Variants in TCIRG1 observed in about 807,000 individuals in gnomAD.
TCIRG1 encodes the protein T cell immune regulator 1, ATPase H+ transporting V0 subunit a3, also known as V-type proton ATPase 116 kDa subunit a 3.
TCIRG1 carries 86 observed loss-of-function variants against 95.5 expected under a neutral mutation model. The observed-to-expected ratio is 0.90, with a 90% CI of 0.76 to 1.08. TCIRG1 has a LOEUF of 1.08. TCIRG1 is among the 50% of genes least tolerant of loss of function. The pLI, the probability that TCIRG1 is intolerant of heterozygous loss-of-function variation, is 0.00. For synonymous variants in TCIRG1, 499 were observed against 501.3 expected (o/e 1.00, Z 0.06); for missense variants, 1,069 against 1,140.2 (o/e 0.94, Z 0.90).
At chr11:68,048,802 G>A in intron 13 of TCIRG1, 77 bp from the exon 14 acceptor site, 1 of 1,069,220 alleles carries the variant, frequency 9.4e-7, no homozygotes, top group Non-Finnish European at 1.4e-6. Flanking sequence ...TGGTGAGAGA[G>A]TGACTCGGGC....
rs137853149 is a variant in TCIRG1, at chr11:68,047,733, C to T, written c.1392C>T (p.Cys464=). ...SIYTGFIYNE[C]FSRATSIFPS... is the part of the protein sequence containing the mutation. ...ACACCGGCTTCATCTACAACGAGTG[C>T]TTCAGTCGCGCCACCAGCATCTTCC... The change falls in exon 12 of 20, where the codon TGC becomes TGT. Residue 464 remains cysteine, a synonymous_variant. Coordinates refer to ENST00000265686, the MANE Select transcript of TCIRG1 (RefSeq NM_006019.4). The T allele has an allele frequency of 1.9e-6, 3 of 1,613,334 alleles. No homozygotes were observed. Among genetic ancestry groups the T allele is most frequent in the East Asian group, 2.2e-5 (1 of 44,868 alleles).
chr11:68,039,967 GAC>G (rs1855081176), intron 1 of TCIRG1: 1 of 152,342 alleles, frequency 6.6e-6, no homozygotes, highest in Non-Finnish European at 1.5e-5. Flanking sequence ...AGCCAGGTCA[GAC>G]ACAACCCTCC....
Position 68,042,818 on chromosome 11 carries a change from G to A in TCIRG1, c.372G>A (p.Gln124=). The A allele has an allele frequency of 1.9e-6, 3 of 1,548,674 alleles. No homozygotes were observed. The highest frequency in any genetic ancestry group is 2.6e-6 in the Non-Finnish European group (3 of 1,146,252). Residue 124 remains glutamine (Q), a synonymous_variant, in exon 4 of 20, where the codon CAG becomes CAA. Transcript: ENST00000265686. The part of the protein sequence containing the change: ...NQQALRAQLH[Q]LQLHAAVLRQ... ...AGGCCCTGCGGGCCCAGCTGCACCA[G>A]CTGCAGCTCCACGCCGCCGTGCTAC...
chr11:68,043,638 G>A lies in TCIRG1; in HGVS notation c.698G>A (p.Arg233His), dbSNP rs769348368. The change falls in exon 7 of 20, where the codon CGC becomes CAC. Residue 233 changes from arginine to histidine, a missense_variant. Physicochemically the swap from Arg to His is conservative, Grantham distance 29 (BLOSUM62 0). Coordinates refer to ENST00000265686, the MANE Select transcript of TCIRG1 (RefSeq NM_006019.4). ...GGTGAGCAGATCGGACAGAAGATCCGCAAGATCACGGACTGGTGAGTCACT... is the reference window on the plus strand; with the variant it reads ...GGTGAGCAGATCGGACAGAAGATCCACAAGATCACGGACTGGTGAGTCACT... ...YWGEQIGQKIRKITDCFHCHV... is the reference protein window; with the variant it reads ...YWGEQIGQKIHKITDCFHCHV... The A allele has an allele frequency of 5.0e-6, 8 of 1,609,448 alleles. No individual in the cohort carries two copies. The highest frequency in any genetic ancestry group is 1.3e-5 in the African/African-American group (1 of 74,856).
chr11:68,044,171 G>T lies in TCIRG1; in HGVS notation c.847G>T (p.Gly283Cys), dbSNP rs1855342458. Residue 283 changes from glycine to cysteine, a missense_variant, in exon 9 of 20, where the codon GGC becomes TGC. Gly to Cys is a radical substitution (Grantham distance 159). Transcript: ENST00000265686. ...ETERFLSQVL[G>C]RVLQLLPPGQ... ...AGAGCGGTTCCTGAGCCAGGTGCTA[G>T]GCCGGGTGCTGCAGCTGCTGCCGCC... The T allele has an allele frequency of 6.4e-7, 1 of 1,553,256 alleles. No individual in the cohort carries two copies. Among genetic ancestry groups the T allele is most frequent in the African/African-American group, 1.4e-5 (1 of 73,622 alleles).
chr11:68,044,344 G>C lies in TCIRG1; in HGVS notation c.1020G>C (p.Ser340=), dbSNP rs144158792. 2.5e-5 allele frequency: 39 copies of C among 1,577,070 alleles called. No homozygotes were observed. The highest frequency in any genetic ancestry group is 4.0e-4 in the Middle Eastern group (2 of 4,956). ...TGCAGGAGGCCCTGCGGGACAGCTC[G>C]GTGAGCAGCCTGAGGCCTCGCCCCC... is the stretch of plus-strand genomic sequence containing the variant. The part of the protein sequence containing the change: ...PALQEALRDS[S]MEEGVSAVAH... Residue 340 remains serine, a splice_region_variant and synonymous_variant, in exon 9 of 20, where the codon TCG becomes TCC. Transcript: ENST00000265686.
In TCIRG1 at chr11:68,049,156, C is replaced by A; in HGVS notation, c.1749C>A (p.Tyr583Ter). 1 of 1,613,964 alleles carries A rather than the reference C, an allele frequency of 6.2e-7. No homozygotes were observed. Among genetic ancestry groups the A allele is most frequent in the Non-Finnish European group, 8.5e-7 (1 of 1,180,016 alleles). ...CCTTCCTGCTGGGACTCTTCGGTTA[C>A]CTCGTGTTCCTAGTCATCTACAAGT... is the stretch of plus-strand genomic sequence containing the variant. ...ELTFLLGLFG[Y>*]LVFLVIYKWL... is the part of the protein sequence containing the mutation. The change falls in exon 15 of 20, where the codon TAC becomes TAA. Residue 583 changes from tyrosine to a stop codon, truncating the protein, a stop_gained. Transcript: ENST00000265686. LOFTEE classifies it high-confidence loss of function.
intron 2 of TCIRG1, 43 bp downstream of exon 2, chr11:68,041,431 G>T: frequency 2.1e-6 from 3 of 1,429,264 alleles, no homozygotes; most frequent in Non-Finnish European, 2.9e-6. Flanking sequence ...TACTGCCAAG[G>T]TTAGCCCGGA....
At position 68,045,053 on chromosome 11, in the gene TCIRG1, G is replaced by T; in HGVS notation, c.1116G>T (p.Gln372His). Residue 372 changes from glutamine to histidine, a missense_variant, in exon 10 of 20, where the codon CAG becomes CAT. Transcript: ENST00000265686. ...IRTNRFTASF[Q>H]GIVDAYGVGR... ...CCAACCGCTTCACGGCCAGCTTCCA[G>T]GGCATCGTGGATGCCTACGGCGTGG... 6.2e-7 allele frequency: 1 copy of T among 1,605,614 alleles called. No individual in the cohort carries two copies.
chr11:68,042,963 A>G lies in TCIRG1; in HGVS notation c.435A>G (p.Thr145=). 6.4e-7 allele frequency: 1 copy of G among 1,555,044 alleles called. No individual in the cohort carries two copies. The change falls in exon 5 of 20, where the codon ACA becomes ACG. Residue 145 remains threonine, a synonymous_variant. Coordinates refer to ENST00000265686, the MANE Select transcript of TCIRG1 (RefSeq NM_006019.4). ...GHEPQLAAAH[T]DGASERTPLL... is the part of the protein sequence containing the mutation. ...GTTCCTAGCTGGCAGCCGCCCACAC[A>G]GATGGGGCCTCAGAGAGGACGCCCC...
In TCIRG1 at chr11:68,043,560, C is replaced by T; in HGVS notation, c.631-11C>T. 1 of 1,605,172 alleles carries T rather than the reference C, an allele frequency of 6.2e-7. No homozygotes were observed. The highest frequency in any genetic ancestry group is 8.5e-7 in the Non-Finnish European group (1 of 1,176,472). ...AGCGGGACCCCAGAGTCAGCTGAGC[C>T]TGCTCTGCAGGGCGAGCCAGCCACG... On this transcript the variant is annotated splice_polypyrimidine_tract_variant and intron_variant, in intron 6 of 19. Coordinates refer to ENST00000265686, the MANE Select transcript of TCIRG1 (RefSeq NM_006019.4).
rs779210926 is a variant in TCIRG1 at position 68,050,522 on chromosome 11, A to G, written c.2272A>G (p.Ile758Val). The change falls in exon 19 of 20, where the codon ATA becomes GTA. Residue 758 changes from isoleucine to valine, a missense_variant. Coordinates refer to ENST00000265686, the MANE Select transcript of TCIRG1 (RefSeq NM_006019.4). ...SEVLWAMVMR[I>V]GLGLGREVGV... ...GGTTCTGTGGGCCATGGTGATGCGC[A>G]TAGGCCTGGGCCTGGGCCGGGAGGT... 7 of 1,610,894 alleles carry G rather than the reference A, an allele frequency of 4.3e-6. No homozygotes were observed. In the South Asian group the frequency reaches 7.7e-5, roughly 18 times the overall value.
chr11:68,046,794 T>G, intron 10 of TCIRG1: 1 of 448,140 alleles, frequency 2.2e-6, no homozygotes. Context: ...GGGCTGCCTG[T>G]GGCTCCCTGT....
downstream of TCIRG1, chr11:68,052,881 G>GTA (rs1202226137): frequency 6.6e-6 from 1 of 152,222 alleles, no homozygotes; most frequent in Non-Finnish European, 1.5e-5. Flanking sequence ...TTTTTTATTT[G>GTA]TATAGTACAA....
intron 3 of TCIRG1, 105 bp downstream of exon 3, chr11:68,041,936 A>T (rs1445567142): frequency 1.5e-5 from 16 of 1,066,438 alleles, no homozygotes; most frequent in Non-Finnish European, 2.2e-5. Context: ...GAAGGCAGAG[A>T]AGGGAGGTAT....
At position 68,043,048 on chromosome 11, in the gene TCIRG1, C is replaced by T. The variant is rs1341529242; in HGVS notation, c.503+17C>T. 2.6e-6 allele frequency: 4 copies of T among 1,549,660 alleles called. No homozygotes were observed. The highest frequency in any genetic ancestry group is 3.5e-6 in the Non-Finnish European group (4 of 1,146,916). ...GAGGGTCAAGTGAGTGAGGGATGAC[C>T]TCATGCCCTTTCTGGCCAGCCCAGA... On this transcript the variant is annotated intron_variant, in intron 5 of 19. Coordinates refer to ENST00000265686, the MANE Select transcript of TCIRG1 (RefSeq NM_006019.4).
intron 10 of TCIRG1, among the ~76,000 whole-genome samples, chr11:68,045,783 C>G (rs1461353918): frequency 6.6e-6 from 1 of 152,200 alleles, no homozygotes; most frequent in Non-Finnish European, 1.5e-5. Flanking sequence ...GAACCCCCGA[C>G]CTCACGTGAT....
chr11:68,042,002 C>T (rs756632958), intron 3 of TCIRG1, among the ~76,000 whole-genome samples, 171 bp downstream of exon 3: 39 of 152,204 alleles, frequency 2.6e-4, no homozygotes, highest in Admixed American at 4.6e-4. Context: ...AGTGTGCTTG[C>T]GAAGGTGGCT....
intron 1 of TCIRG1, among the ~76,000 whole-genome samples, chr11:68,040,250 C>T (rs1855093524): frequency 6.6e-6 from 1 of 152,142 alleles, no homozygotes; most frequent in African/African-American, 2.4e-5. Context: ...TGCCCAAGGT[C>T]ACACACCCAA....
Sources: allele counts gnomAD v4.1 joint callset (sites outside exome capture counted in the v4.1 genomes callset), GRCh38; gene constraint gnomAD v4.1.1; transcripts MANE v1.5; gene names NCBI Gene and HGNC (gene_info 2026-07-23, HGNC 2026-07-21).